Variants in KRT20 observed in about 807,000 individuals in gnomAD.
KRT20 encodes the protein keratin 20, also known as keratin, type I cytoskeletal 20.
A neutral mutation model predicts 43.0 loss-of-function variants in KRT20; 41 were observed. The observed-to-expected ratio is 0.95, with a 90% CI of 0.74 to 1.24. The LOEUF (loss-of-function observed/expected upper bound fraction) is 1.24, where lower values mean the gene tolerates loss of function less well. Among genes scored for constraint, KRT20 ranks in the 50% most tolerant of loss-of-function variants. KRT20 has a pLI of 0.00. For missense variants in KRT20, 533 were observed against 521.2 expected (o/e 1.02, Z -0.22); for synonymous variants, 207 against 200.6 (o/e 1.03, Z -0.27).
At chr17:40,884,012 AATTAG>A (rs534093740) in intron 1 of KRT20, among the ~76,000 whole-genome samples, 44 of 152,358 alleles carry the variant, frequency 2.9e-4, no homozygotes, top group African/African-American at 1.0e-3. Flanking sequence ...CACTTTTCTT[AATTAG>A]ATAAGAACTT....
rs559219011 is a variant in KRT20, at chr17:40,876,015, A to G, written c.*346T>C. The G allele has an allele frequency of 1.2e-4, 21 of 179,550 alleles. No individual in the cohort carries two copies. The East Asian group carries it at 2.5e-3, about 21-fold the overall frequency. 11.1% of individuals were successfully genotyped at this position (179,550 alleles called of 1,614,324 possible). A position where few individuals can be genotyped will look rare whatever the true frequency, so the allele number is the denominator to read the frequency against. On this transcript the variant is annotated 3_prime_UTR_variant, in exon 8 of 8. Coordinates refer to ENST00000167588, the MANE Select transcript of KRT20 (RefSeq NM_019010.3). ...ATTCCTCTACTTTGTGAGGTTTAGT[A>G]TAATTGAAATGTATTGCAATTTTCA...
chr17:40,880,758 C>T lies in KRT20; in HGVS notation c.486G>A (p.Glu162=), dbSNP rs767085035. The change falls in exon 3 of 8, where the codon GAG becomes GAA. Residue 162 remains glutamate (E), a synonymous_variant. Transcript: ENST00000167588. ...CTTCCACTGTTAGACGTATTCCTCT[C>T]TCAGTCTCATACCTGTGAATTAATT... ...AEDFRLKYET[E]RGIRLTVEAD... The T allele has an allele frequency of 1.9e-6, 3 of 1,551,816 alleles. No homozygotes were observed. The highest frequency in any genetic ancestry group is 2.8e-5 in the African/African-American group (2 of 72,682).
At position 40,876,456 on chromosome 17, in the gene KRT20, T is replaced by C; in HGVS notation, c.1180A>G (p.Ile394Val). 6.3e-7 allele frequency: 1 copy of C among 1,592,162 alleles called. No homozygotes were observed. Among genetic ancestry groups the C allele is most frequent in the Non-Finnish European group, 8.6e-7 (1 of 1,160,388 alleles). Residue 394 changes from isoleucine (I) to valine (V), a missense_variant and splice_region_variant, in exon 8 of 8, where the codon ATA becomes GTA. By Grantham distance (29) the Ile-to-Val change is conservative. Coordinates refer to ENST00000167588, the MANE Select transcript of KRT20 (RefSeq NM_019010.3). ...GTCTTAATCTTCCTGGTTTTCTTTA[T>C]ATCTGAATTCATATTAAACATTAAA... ...YQLSTLEERD[I>V]KKTRKIKTVV...
intron 2 of KRT20, among the ~76,000 whole-genome samples, chr17:40,881,227 CTGTG>C (rs34632722): frequency 0.076 from 11,039 of 145,484 alleles, 889 homozygotes; most frequent in East Asian, 0.19. Flanking sequence ...TACATACACA[CTGTG>C]TGTGTGTGTG....
intron 1 of KRT20, among the ~76,000 whole-genome samples, chr17:40,882,990 G>A (rs1039088670): frequency 3.3e-5 from 5 of 152,030 alleles, no homozygotes; most frequent in East Asian, 1.9e-4. Flanking sequence ...GATTACAGGC[G>A]TGAGCCACCG....
In KRT20 at chr17:40,885,103, C is replaced by T. The variant is rs760121613; in HGVS notation, c.83G>A (p.Arg28His). 9 of 1,613,780 alleles carry T rather than the reference C, an allele frequency of 5.6e-6. No individual in the cohort carries two copies. The African/African-American group carries it at 6.7e-5, about 12-fold the overall frequency. Residue 28 changes from arginine to histidine, a missense_variant, in exon 1 of 8, where the codon CGC becomes CAC. Arg to His is a conservative substitution (Grantham distance 29). Coordinates refer to ENST00000167588, the MANE Select transcript of KRT20 (RefSeq NM_019010.3). ...APVVSTVGMQ[R>H]LGTTPSVYGG... Reference sequence around the variant, plus strand: ...ATAAACGCTGGGTGTCGTCCCGAGGCGCTGCATGCCCACTGTACTGACTAC... The same window carrying T: ...ATAAACGCTGGGTGTCGTCCCGAGGTGCTGCATGCCCACTGTACTGACTAC...
At chr17:40,876,639 C>G (rs1907358356) in intron 7 of KRT20, among the ~76,000 whole-genome samples, 181 bp from the exon 8 acceptor site, 1 of 152,058 alleles carries the variant, frequency 6.6e-6, no homozygotes, top group Non-Finnish European at 1.5e-5. Context: ...AAATGTGCTT[C>G]TCCCCAAATT....
intron 2 of KRT20, among the ~76,000 whole-genome samples, chr17:40,881,899 G>A (rs940345547): frequency 2.1e-5 from 3 of 141,910 alleles, no homozygotes; most frequent in African/African-American, 8.1e-5. Flanking sequence ...TTGAGACAAG[G>A]TCTCAGTCTG....
rs371654782 is a variant in KRT20, at chr17:40,879,795, A to T, written c.918+18T>A. On this transcript the variant is annotated intron_variant, in intron 5 of 7. Transcript: ENST00000167588. ...AAACACATACTAGATTGAGAAAGAG[A>T]AGTTAGATATGCTTTACCATGCTGA... 10 of 1,611,814 alleles carry T rather than the reference A, an allele frequency of 6.2e-6. No homozygotes were observed. In the African/African-American group the frequency reaches 1.3e-4, roughly 22 times the overall value.
At chr17:40,880,411 T>A in intron 3 of KRT20, 150 bp from the exon 4 acceptor site, 1 of 861,610 alleles carries the variant, frequency 1.2e-6, no homozygotes, top group Non-Finnish European at 1.7e-6. Flanking sequence ...CTTATTGTGG[T>A]CCAGGTGCTG....
In KRT20 at chr17:40,880,009, G is replaced by C. The variant is rs957824164; in HGVS notation, c.793-71C>G. The stretch of plus-strand genomic sequence containing the variant: ...AGAAAGAAAAGACAGAAAGAGAAAG[G>C]AAGAATGAACAAATGAAAAAGAAAA... On this transcript the variant is annotated intron_variant, in intron 4 of 7. Transcript: ENST00000167588. The C allele has an allele frequency of 2.5e-6, 4 of 1,598,156 alleles. No homozygotes were observed. The African/African-American group carries it at 4.0e-5, about 16-fold the overall frequency.
At chr17:40,880,319 G>A (rs1417341744) in intron 3 of KRT20, 58 bp from the exon 4 acceptor site, 1 of 1,482,854 alleles carries the variant, frequency 6.7e-7, no homozygotes. Flanking sequence ...AGATAAGGCT[G>A]GGCAGAAAAG....
chr17:40,878,448 G>C (rs1907446985), intron 5 of KRT20, 83 bp from the exon 6 acceptor site: 1 of 1,000,290 alleles, frequency 1.0e-6, no homozygotes, highest in Non-Finnish European at 1.5e-6. Flanking sequence ...CTTTGAGAAG[G>C]GTCTCTGCAG....
Position 40,878,247 on chromosome 17 carries a change from A to G in KRT20, c.1037T>C (p.Met346Thr), listed in dbSNP as rs754102267. ...ATGGTATTCGTTGTTCTGGCGTTCCATGTTACTCCGAATCTGCATCAGTTG... is the reference window on the plus strand; with the variant it reads ...ATGGTATTCGTTGTTCTGGCGTTCCGTGTTACTCCGAATCTGCATCAGTTG... ...EAQLMQIRSN[M>T]ERQNNEYHIL... Residue 346 changes from methionine to threonine, a missense_variant, in exon 6 of 8, where the codon ATG becomes ACG. Physicochemically the swap from Met to Thr is moderately conservative, Grantham distance 81 (BLOSUM62 -1). Coordinates refer to ENST00000167588, the MANE Select transcript of KRT20 (RefSeq NM_019010.3). 10 of 1,613,946 alleles carry G rather than the reference A, an allele frequency of 6.2e-6. No individual in the cohort carries two copies. Among genetic ancestry groups the G allele is most frequent in the South Asian group, 3.3e-5 (3 of 91,084 alleles).
chr17:40,885,019 C>G lies in KRT20; in HGVS notation c.167G>C (p.Gly56Ala). ...GTCCCCGCCGCCTGTGAGATCGCTC[C>G]CATAGTTCACCGTGTGTCTGGAGTT... ...ISNSRHTVNY[G>A]SDLTGGGDLF... Residue 56 changes from glycine (G) to alanine (A), a missense_variant, in exon 1 of 8, where the codon GGG becomes GCG. Gly to Ala is a moderately conservative substitution (Grantham distance 60). Coordinates refer to ENST00000167588, the MANE Select transcript of KRT20 (RefSeq NM_019010.3). The G allele has an allele frequency of 1.2e-6, 2 of 1,614,180 alleles. No homozygotes were observed. Among genetic ancestry groups the G allele is most frequent in the Non-Finnish European group, 1.7e-6 (2 of 1,180,038 alleles).
intron 6 of KRT20, 59 bp from the exon 7 acceptor site, chr17:40,877,476 T>C: frequency 9.0e-7 from 1 of 1,107,068 alleles, no homozygotes; most frequent in Non-Finnish European, 1.3e-6. Flanking sequence ...TTATTGCTGT[T>C]TTGAAAATGG....
chr17:40,880,284 T>G (rs1226775971), intron 3 of KRT20, 23 bp from the exon 4 acceptor site: 1 of 1,583,304 alleles, frequency 6.3e-7, no homozygotes, highest in Non-Finnish European at 8.6e-7. Context: ...AATTTCTGAT[T>G]GATTTTAGTC....
intron 7 of KRT20, among the ~76,000 whole-genome samples, chr17:40,877,157 A>G (rs895715928): frequency 2.0e-5 from 3 of 152,202 alleles, no homozygotes; most frequent in African/African-American, 7.2e-5. Flanking sequence ...TGACACAGCA[A>G]GAAGGCCCTT....
rs34632722 is a variant in KRT20 at position 40,881,227 on chromosome 17, C to CTGTGTGTGTGTGTGTG, written c.474-473_474-458dup. ...CCTCCTCTACAATCTTACATACACA[C>CTGTGTGTGTGTGTGTG]TGTGTGTGTGTGTGTGTGTGTGTGT... On this transcript the variant is annotated intron_variant, in intron 2 of 7. Coordinates refer to ENST00000167588, the MANE Select transcript of KRT20 (RefSeq NM_019010.3). 2.6e-3 allele frequency among the ~76,000 whole-genome samples: 375 copies of CTGTGTGTGTGTGTGTG among 145,754 alleles called. 1 individual carries two copies. Among genetic ancestry groups the CTGTGTGTGTGTGTGTG allele is most frequent in the African/African-American group, 8.7e-3 (343 of 39,266 alleles).
Sources: gnomAD v4.1 joint callset for allele counts (sites outside exome capture counted in the v4.1 genomes callset) on GRCh38, gnomAD v4.1.1 for gene constraint, MANE v1.5 for transcripts, NCBI Gene and HGNC (gene_info 2026-07-23, HGNC 2026-07-21) for gene names.